Variants in TBC1D12 observed in about 807,000 individuals in gnomAD.
The protein encoded by TBC1D12 is TBC1 domain family, member 12.
In TBC1D12, 56 loss-of-function variants were observed where a neutral mutation model predicts 86.7. The ratio of observed to expected loss-of-function variants is 0.65; its 90% CI spans 0.52 to 0.81. The LOEUF (loss-of-function observed/expected upper bound fraction) is 0.81. Ranked by LOEUF, TBC1D12 falls within the 30% of genes least tolerant of loss-of-function variation. The probability of loss-of-function intolerance (pLI) is 0.00; values close to 1 mark genes in which losing one functional copy is unlikely to be tolerated. For synonymous variants in TBC1D12, 421 were observed against 411.7 expected (o/e 1.02, Z -0.27); for missense variants, 1,023 against 1,038.8 (o/e 0.98, Z 0.21).
intron 9 of TBC1D12, among the ~76,000 whole-genome samples, chr10:94,521,231 A>AC (rs1044239563): frequency 7.0e-5 from 10 of 142,626 alleles, no homozygotes; most frequent in African/African-American, 2.5e-4. Context: ...CAAAAAAAAA[A>AC]AAAAAACAAA....
At chr10:94,457,395 C>T (rs1385312841) in intron 2 of TBC1D12, among the ~76,000 whole-genome samples, 1 of 152,066 alleles carries the variant, frequency 6.6e-6, no homozygotes, top group Non-Finnish European at 1.5e-5. Context: ...TTGGCAGTCT[C>T]TGTTTCTTCA....
At chr10:94,463,453 T>G (rs147810883) in intron 2 of TBC1D12, among the ~76,000 whole-genome samples, 1 of 152,162 alleles carries the variant, frequency 6.6e-6, no homozygotes, top group Non-Finnish European at 1.5e-5. Context: ...CCTTTTCTTA[T>G]AAAGCTACCA....
At chr10:94,436,374 T>C (rs993701037) in intron 1 of TBC1D12, among the ~76,000 whole-genome samples, 1 of 152,072 alleles carries the variant, frequency 6.6e-6, no homozygotes, top group Non-Finnish European at 1.5e-5. Flanking sequence ...GACCTCATGA[T>C]CCACCTGCCT....
intron 3 of TBC1D12, among the ~76,000 whole-genome samples, chr10:94,490,064 A>G (rs927720850): frequency 6.6e-6 from 1 of 152,160 alleles, no homozygotes; most frequent in East Asian, 1.9e-4. Flanking sequence ...CCTGACTAAC[A>G]TGGTGAAACT....
At chr10:94,413,366 C>G (rs574392680) in intron 1 of TBC1D12, among the ~76,000 whole-genome samples, 44 of 152,190 alleles carry the variant, frequency 2.9e-4, no homozygotes, top group African/African-American at 1.1e-3. Flanking sequence ...TAAGATTTTC[C>G]TCAGGTCTAC....
chr10:94,458,266 C>A (rs2055658245), intron 2 of TBC1D12, among the ~76,000 whole-genome samples: 2 of 152,066 alleles, frequency 1.3e-5, no homozygotes, highest in South Asian at 4.2e-4. Flanking sequence ...AAAGCAAGAT[C>A]TGAGCTAGCA....
Position 94,533,282 on chromosome 10 carries a change from T to C in TBC1D12, c.*186T>C, listed in dbSNP as rs1842474919. ...ATAAGTAACTTATTGACAGTATTAATAAACTATTATTTTGTAGGTAGAGTC... is the reference window on the plus strand; with the variant it reads ...ATAAGTAACTTATTGACAGTATTAACAAACTATTATTTTGTAGGTAGAGTC... On this transcript the variant is annotated 3_prime_UTR_variant, in exon 13 of 13. Coordinates refer to ENST00000225235, the MANE Select transcript of TBC1D12 (RefSeq NM_015188.2). 4.9e-6 allele frequency: 2 copies of C among 409,038 alleles called. No homozygotes were observed. The highest frequency in any genetic ancestry group is 8.8e-5 in the Admixed American group (2 of 22,704). 25.3% of individuals were successfully genotyped at this position (409,038 alleles called of 1,614,324 possible). A position where few individuals can be genotyped will look rare whatever the true frequency, so the allele number is the denominator to read the frequency against.
chr10:94,465,027 A>T (rs1243333458), intron 2 of TBC1D12, among the ~76,000 whole-genome samples: 2 of 152,238 alleles, frequency 1.3e-5, no homozygotes, highest in Non-Finnish European at 2.9e-5. Flanking sequence ...ACGTTTTAAT[A>T]GTCTTTTCAG....
At chr10:94,423,111 A>G (rs1017334653) in intron 1 of TBC1D12, among the ~76,000 whole-genome samples, 51 of 148,716 alleles carry the variant, frequency 3.4e-4, no homozygotes, top group African/African-American at 1.2e-3. Flanking sequence ...AAAGAAAGAA[A>G]GAGAAGCAGA....
At chr10:94,514,726 A>G (rs2056567857) in intron 9 of TBC1D12, among the ~76,000 whole-genome samples, 1 of 152,108 alleles carries the variant, frequency 6.6e-6, no homozygotes, top group Non-Finnish European at 1.5e-5. Context: ...TGTAATGAAC[A>G]TGGGAGTGCA....
chr10:94,501,966 T>TTA (rs2056403551), intron 6 of TBC1D12, among the ~76,000 whole-genome samples: 2 of 151,834 alleles, frequency 1.3e-5, no homozygotes, highest in Admixed American at 1.3e-4. Flanking sequence ...GAGTTTAAGG[T>TTA]TACAGTGAGC....
intron 1 of TBC1D12, among the ~76,000 whole-genome samples, chr10:94,411,420 T>C (rs993777359): frequency 1.3e-4 from 20 of 152,312 alleles, no homozygotes; most frequent in African/African-American, 4.3e-4. Context: ...GCTTTTGGTA[T>C]ATTCAAAATC....
rs896483543 is a variant in TBC1D12 at position 94,535,462 on chromosome 10, T to G, written c.*2366T>G. The G allele has an allele frequency of 1.3e-5, 2 of 152,182 alleles. No homozygotes were observed. The highest frequency in any genetic ancestry group is 2.9e-5 in the Non-Finnish European group (2 of 68,020). The allele number at this position is 152,182 out of a possible 1,614,324, so 9.4% of individuals were successfully genotyped here. ...CTTGTTAGTGTAGTGACTGCCTCTT[T>G]AGGAGTATGGGGCCCTAGGGTGTCC... On this transcript the variant is annotated 3_prime_UTR_variant, in exon 13 of 13. Transcript: ENST00000225235.
intron 5 of TBC1D12, among the ~76,000 whole-genome samples, chr10:94,497,755 C>T (rs2056342783): frequency 6.7e-6 from 1 of 149,084 alleles, no homozygotes; most frequent in Admixed American, 6.8e-5. Flanking sequence ...CTTACCTATC[C>T]TTTGGGACCC....
At chr10:94,531,719 TTTATGTTATTTTATG>T (rs1564996682) in intron 12 of TBC1D12, among the ~76,000 whole-genome samples, 2 of 119,320 alleles carry the variant, frequency 1.7e-5, no homozygotes, top group East Asian at 5.8e-4. Flanking sequence ...TTTATGTTAT[TTTATGTTATTTTATG>T]TTATGTTATT....
At chr10:94,510,067 A>G (rs1212471938) in intron 7 of TBC1D12, 24 bp from the exon 8 acceptor site, 1 of 1,578,224 alleles carries the variant, frequency 6.3e-7, no homozygotes, top group Non-Finnish European at 8.7e-7. Context: ...GATCATTTAA[A>G]TTGTATCTGC....
rs566173813 is a variant in TBC1D12, at chr10:94,510,240, A to G, written c.1689+61A>G. On this transcript the variant is annotated intron_variant, in intron 8 of 12. Transcript: ENST00000225235. ...AAAATCTATCAATATCCAAGGCAAC[A>G]GATTCTTTAAATGAATAGCTATTAC... is the stretch of plus-strand genomic sequence containing the variant. 274 of 1,232,540 alleles carry G rather than the reference A, an allele frequency of 2.2e-4. 1 individual carries two copies. The South Asian group carries it at 3.7e-3, about 17-fold the overall frequency. 76.4% of individuals were successfully genotyped at this position (1,232,540 alleles called of 1,614,324 possible). A position where few individuals can be genotyped will look rare whatever the true frequency, so the allele number is the denominator to read the frequency against.
chr10:94,500,924 C>G (rs1436013663), intron 6 of TBC1D12, among the ~76,000 whole-genome samples: 2 of 151,958 alleles, frequency 1.3e-5, no homozygotes, highest in Non-Finnish European at 2.9e-5. Context: ...GGCATGGTGA[C>G]ACATGCCTGT....
chr10:94,417,805 G>A (rs2055019736), intron 1 of TBC1D12, among the ~76,000 whole-genome samples: 1 of 149,020 alleles, frequency 6.7e-6, no homozygotes, highest in African/African-American at 2.5e-5. Context: ...CTGGAGTGCA[G>A]TGGCGCAGTC....
Sources: gnomAD v4.1 joint callset for allele counts (sites outside exome capture counted in the v4.1 genomes callset) on GRCh38, gnomAD v4.1.1 for gene constraint, MANE v1.5 for transcripts, NCBI Gene and HGNC (gene_info 2026-07-23, HGNC 2026-07-21) for gene names.